The following SCN2B variants were observed in gnomAD, a reference collection of about 807,000 sequenced individuals.
SCN2B encodes sodium voltage-gated channel beta subunit 2.
SCN2B carries 14 observed loss-of-function variants against 18.2 expected under a neutral mutation model. The ratio of observed to expected loss-of-function variants is 0.77; its 90% CI spans 0.51 to 1.21. The LOEUF (loss-of-function observed/expected upper bound fraction) is 1.21. Ranked by LOEUF, SCN2B falls within the 50% of genes most tolerant of loss-of-function variation. The probability of loss-of-function intolerance (pLI) is 0.00; values close to 1 mark genes in which losing one functional copy is unlikely to be tolerated. For synonymous variants in SCN2B, 115 were observed against 115.3 expected, an observed-to-expected ratio of 1.00 and a Z score of 0.02; for missense variants, 262 against 286.9, an observed-to-expected ratio of 0.91 and a Z score of 0.63.
rs539755265 is a variant in SCN2B, at chr11:118,162,831, G to A, written c.*4056C>T. ...TTTTCAGGGGAGATAGTTTATTGTT[G>A]CCAGTAGACCCAAACAATAAGACAA... On this transcript the variant is annotated 3_prime_UTR_variant, in exon 4 of 4. Coordinates refer to ENST00000278947, the MANE Select transcript of SCN2B (RefSeq NM_004588.5). The A allele has an allele frequency of 2.6e-5, 4 of 152,220 alleles. No individual in the cohort carries two copies. Among genetic ancestry groups the A allele is most frequent in the Admixed American group, 2.0e-4 (3 of 15,288 alleles). 9.4% of individuals were successfully genotyped at this position (152,220 alleles called of 1,614,324 possible).
Position 118,163,713 on chromosome 11 carries a change from AAGTC to A in SCN2B, c.*3170_*3173del, listed in dbSNP as rs66601680. The A allele has an allele frequency of 0.075, 11,428 of 152,656 alleles. 517 individuals carry two copies. The highest frequency in any genetic ancestry group is 0.16 in the Middle Eastern group (48 of 296). 9.5% of individuals were successfully genotyped at this position (152,656 alleles called of 1,614,324 possible). On this transcript the variant is annotated 3_prime_UTR_variant, in exon 4 of 4. Transcript: ENST00000278947. Reference sequence around the variant, plus strand: ...GCAGGAGAGGCTGGGGCAGTTGAGAAAGTCAGCCGACTAAAACCAGCAGAGCGTG... The same window carrying A: ...GCAGGAGAGGCTGGGGCAGTTGAGAAAGCCGACTAAAACCAGCAGAGCGTG...
Position 118,176,390 on chromosome 11 carries a change from GAGGCTGA to G in SCN2B, c.35_41del (p.Phe12SerfsTer45). 2 of 1,614,118 alleles carry G rather than the reference GAGGCTGA, an allele frequency of 1.2e-6. No homozygotes were observed. The highest frequency in any genetic ancestry group is 1.7e-6 in the Non-Finnish European group (2 of 1,180,008). ...AAGAGAAAAAGAGACTGAGCCCCGT[GAGGCTGA>G]AGGCAGGGCGAGGTAGCCAGGCATC... is the stretch of plus-strand genomic sequence containing the variant. On this transcript the variant is annotated frameshift_variant, in exon 1 of 4. Transcript: ENST00000278947. LOFTEE classifies it high-confidence loss of function.
chr11:118,176,120 T>C (rs547329330), intron 1 of SCN2B, among the ~76,000 whole-genome samples: 1 of 152,172 alleles, frequency 6.6e-6, no homozygotes, highest in Admixed American at 6.5e-5. Context: ...AAGATTCACC[T>C]CCCTTGACAA....
chr11:118,167,215 CGA>C (rs947262934), intron 3 of SCN2B, 129 bp from the exon 4 acceptor site: 3 of 985,800 alleles, frequency 3.0e-6, no homozygotes, highest in African/African-American at 3.2e-5. Context: ...TTAGCAAAGC[CGA>C]AAAGCAATCC....
In SCN2B at chr11:118,168,400, G is replaced by T; in HGVS notation, c.238-105C>A. ...ATCCACCCTTTTCCTGGGGAAGAGA[G>T]GCAGTTACCTCTGTGAGGCACCTGG... On this transcript the variant is annotated intron_variant, in intron 2 of 3. Transcript: ENST00000278947. This position sits in a 1 kb window ranked among gnomAD's most constrained non-coding sequence, Gnocchi z 4.7. 1 of 1,296,472 alleles carries T rather than the reference G, an allele frequency of 7.7e-7. No individual in the cohort carries two copies. The highest frequency in any genetic ancestry group is 1.1e-6 in the Non-Finnish European group (1 of 893,644). 80.3% of individuals were successfully genotyped at this position (1,296,472 alleles called of 1,614,324 possible).
In SCN2B at chr11:118,167,009, C is replaced by A. The variant is rs1349965857; in HGVS notation, c.526G>T (p.Val176Leu). Residue 176 changes from valine to leucine, a missense_variant, in exon 4 of 4, where the codon GTG becomes TTG. Physicochemically the swap from Val to Leu is conservative, Grantham distance 32 (BLOSUM62 1). Transcript: ENST00000278947. The part of the protein sequence containing the change: ...VGGFLAVVIL[V>L]LMVVKCVRRK... ...CTCACACACTTGACCACCATCAGCA[C>A]CAAGATGACCACAGCCAGGAAGCCC... is the stretch of plus-strand genomic sequence containing the variant. 2 of 1,613,916 alleles carry A rather than the reference C, an allele frequency of 1.2e-6. No individual in the cohort carries two copies. The highest frequency in any genetic ancestry group is 1.7e-6 in the Non-Finnish European group (2 of 1,180,046).
At chr11:118,169,228 GGGCAGCCAAACGGC>G in intron 1 of SCN2B, among the ~76,000 whole-genome samples, 1 of 152,190 alleles carries the variant, frequency 6.6e-6, no homozygotes, top group East Asian at 1.9e-4. Flanking sequence ...GTCAAGCCAG[GGGCAGCCAAACGGC>G]CTCAAGCCTT....
rs186719770 is a variant in SCN2B, at chr11:118,174,215, A to G, written c.70+2147T>C. ...TCGGCCTCCCAAAGCACTGGGATAC[A>G]GGCGTGAGCCACCATGCTCAGCCCA... On this transcript the variant is annotated intron_variant, in intron 1 of 3. Transcript: ENST00000278947. Among the ~76,000 whole-genome samples, 123 of 145,654 alleles carry G rather than the reference A, an allele frequency of 8.4e-4. 2 individuals are homozygous for G. In the East Asian group the frequency reaches 0.017, roughly 20 times the overall value.
At position 118,176,519 on chromosome 11, in the gene SCN2B, TAA is replaced by T; in HGVS notation, c.-90_-89del. 2.2e-6 allele frequency: 2 copies of T among 903,108 alleles called. No individual in the cohort carries two copies. The highest frequency in any genetic ancestry group is 3.6e-6 in the Non-Finnish European group (2 of 550,704). The allele number at this position is 903,108 out of a possible 1,614,324, so 55.9% of individuals were successfully genotyped here. Reference sequence around the variant, plus strand: ...CTACAAGGGAGGAATGGTTGGATGCTAAAAAAAAATGCACGGATGTACTTCAA... The same window carrying T: ...CTACAAGGGAGGAATGGTTGGATGCTAAAAAAATGCACGGATGTACTTCAA... On this transcript the variant is annotated 5_prime_UTR_variant, in exon 1 of 4. An upstream open reading frame in the 5' UTR gains an earlier in-frame stop. Transcript: ENST00000278947.
At chr11:118,167,935 A>G (rs1293439717) in intron 3 of SCN2B, 150 bp downstream of exon 3, 1 of 710,830 alleles carries the variant, frequency 1.4e-6, no homozygotes, top group Admixed American at 2.0e-5. Context: ...TGAGGACTAG[A>G]GGGAAGAAAA....
At chr11:118,173,735 G>A (rs11216792) in intron 1 of SCN2B, among the ~76,000 whole-genome samples, 1 of 152,120 alleles carries the variant, frequency 6.6e-6, no homozygotes, top group African/African-American at 2.4e-5. Flanking sequence ...AGGCTCCGGG[G>A]AACTGACTCC....
intron 1 of SCN2B, among the ~76,000 whole-genome samples, chr11:118,169,466 A>G (rs1038077625): frequency 1.3e-5 from 2 of 152,130 alleles, no homozygotes; most frequent in African/African-American, 4.8e-5. Flanking sequence ...CAGACTGAGA[A>G]CAGCTGGAGA....
intron 1 of SCN2B, among the ~76,000 whole-genome samples, chr11:118,175,104 G>A (rs1034029937): frequency 2.0e-5 from 3 of 152,166 alleles, no homozygotes; most frequent in African/African-American, 7.2e-5. Context: ...ATTGCTGTGA[G>A]GGCTAAACAA....
At chr11:118,167,393 T>C (rs914355780) in intron 3 of SCN2B, among the ~76,000 whole-genome samples, 1 of 152,220 alleles carries the variant, frequency 6.6e-6, no homozygotes, top group Non-Finnish European at 1.5e-5. Flanking sequence ...AAGTAACTTA[T>C]CCTCTCTAAC....
chr11:118,168,134 A>G lies in SCN2B; in HGVS notation c.399T>C (p.Pro133=). The change falls in exon 3 of 4, where the codon CCT becomes CCC. Residue 133 remains proline, a synonymous_variant. Transcript: ENST00000278947. The surrounding 1 kb of genome is among the most constrained non-coding windows in gnomAD (Gnocchi z 4.7). The part of the protein sequence containing the change: ...GIYNCYIMNP[P]DRHRGHGKIH... Reference sequence around the variant, plus strand: ...TCTTGCCATGGCCACGGTGGCGGTCAGGGGGGTTCATGATGTAGCAGTTGT... The same window carrying G: ...TCTTGCCATGGCCACGGTGGCGGTCGGGGGGGTTCATGATGTAGCAGTTGT... The G allele has an allele frequency of 1.2e-6, 2 of 1,614,162 alleles. No individual in the cohort carries two copies. Among genetic ancestry groups the G allele is most frequent in the Non-Finnish European group, 8.5e-7 (1 of 1,180,016 alleles).
At chr11:118,174,025 T>A (rs11216794) in intron 1 of SCN2B, among the ~76,000 whole-genome samples, 29,810 of 151,082 alleles carry the variant, frequency 0.2, 6,703 homozygotes, top group African/African-American at 0.56. Flanking sequence ...TGATACTCCT[T>A]CTTCAGCCTC....
At chr11:118,173,263 T>C (rs1948443621) in intron 1 of SCN2B, among the ~76,000 whole-genome samples, 1 of 152,170 alleles carries the variant, frequency 6.6e-6, no homozygotes, top group Non-Finnish European at 1.5e-5. Flanking sequence ...CCAGTTCTGA[T>C]TTTTTCTGAA....
In SCN2B at chr11:118,168,478, G is replaced by T. The variant is rs1392908470; in HGVS notation, c.237+107C>A. 7.4e-6 allele frequency: 11 copies of T among 1,487,028 alleles called. No homozygotes were observed. The highest frequency in any genetic ancestry group is 3.3e-5 in the Admixed American group (2 of 59,702). 92.1% of individuals were successfully genotyped at this position (1,487,028 alleles called of 1,614,324 possible). A position where few individuals can be genotyped will look rare whatever the true frequency, so the allele number is the denominator to read the frequency against. ...CTCCAGAGCACGCAGCCCACCCAGG[G>T]TCCTCTGGGGCCCTAGCGCAGTGCC... On this transcript the variant is annotated intron_variant, in intron 2 of 3. Transcript: ENST00000278947. This position sits in a 1 kb window ranked among gnomAD's most constrained non-coding sequence, Gnocchi z 4.7.
intron 1 of SCN2B, among the ~76,000 whole-genome samples, chr11:118,170,200 C>T (rs1262154259): frequency 6.6e-6 from 1 of 152,046 alleles, no homozygotes; most frequent in East Asian, 1.9e-4. Context: ...GGATAGACAT[C>T]AACAAGGAAA....
Sources: allele counts gnomAD v4.1 joint callset (sites outside exome capture counted in the v4.1 genomes callset), GRCh38; gene constraint gnomAD v4.1.1; non-coding constraint Gnocchi (gnomAD v3.1); transcripts MANE v1.5; gene names NCBI Gene and HGNC (gene_info 2026-07-23, HGNC 2026-07-21).